ACLY: variants seen among roughly 807,000 people sequenced by gnomAD.
ACLY encodes the protein ATP citrate lyase, also known as ATP-citrate synthase.
Under a neutral mutation model 133.0 loss-of-function variants are expected in ACLY, and 41 were observed. The ratio of observed to expected loss-of-function variants is 0.31; its 90% CI spans 0.24 to 0.40. The LOEUF (loss-of-function observed/expected upper bound fraction) is 0.40, where lower values mean the gene tolerates loss of function less well. ACLY is among the 10% of genes least tolerant of loss of function. ACLY has a pLI of 1.00. For synonymous variants in ACLY, 495 were observed against 549.3 expected (o/e 0.90, Z 1.38); for missense variants, 1,046 against 1,453.8 (o/e 0.72, Z 4.56).
rs868988705 is a variant in ACLY at position 41,878,141 on chromosome 17, G to A, written c.2449C>T (p.Pro817Ser). 1 of 1,591,672 alleles carries A rather than the reference G, an allele frequency of 6.3e-7. No homozygotes were observed. The highest frequency in any genetic ancestry group is 8.6e-7 in the Non-Finnish European group (1 of 1,169,164). The change falls in exon 22 of 29, where the codon CCG becomes TCG. Residue 817 changes from proline (P) to serine (S), a missense_variant. By Grantham distance (74) the Pro-to-Ser change is moderately conservative (BLOSUM62 -1). Around this residue, in one of 4 missense-constraint regions of ACLY, gnomAD observed 39 missense variants for 30.8 expected, o/e 1.27. Transcript: ENST00000352035. ...TAGTCCATGGGCACGGTTGGGGGCG[G>A]CACCTCCTGGGCAGGTACAATGACT... ...NGVIVPAQEV[P>S]PPTVPMDYSW...
intron 16 of ACLY, among the ~76,000 whole-genome samples, chr17:41,891,174 A>G (rs1229588899): frequency 6.6e-6 from 1 of 152,066 alleles, no homozygotes; most frequent in Non-Finnish European, 1.5e-5. Context: ...AGCTGGGACT[A>G]GTGAGTGCCA....
At chr17:41,916,862 C>T (rs74252725) in intron 1 of ACLY, among the ~76,000 whole-genome samples, 7,256 of 152,052 alleles carry the variant, frequency 0.048, 207 homozygotes, top group East Asian at 0.12. Flanking sequence ...AGAACATTTG[C>T]GGCCAGGCAC....
chr17:41,876,304 C>G (rs1555626151), intron 22 of ACLY, among the ~76,000 whole-genome samples: 1 of 150,552 alleles, frequency 6.6e-6, no homozygotes, highest in East Asian at 2.0e-4. Context: ...GGGTCAGCCC[C>G]CCGCCCGGCC....
At chr17:41,907,854 G>A (rs1047417122) in intron 6 of ACLY, among the ~76,000 whole-genome samples, 1 of 152,114 alleles carries the variant, frequency 6.6e-6, no homozygotes, top group Non-Finnish European at 1.5e-5. Context: ...TTTACAAAAC[G>A]CTACACTCCC....
chr17:41,926,046 T>C (rs2050239958), intron 1 of ACLY, among the ~76,000 whole-genome samples: 1 of 152,010 alleles, frequency 6.6e-6, no homozygotes, highest in Non-Finnish European at 1.5e-5. Flanking sequence ...GGCTTCACCA[T>C]GTTGGCCAGC....
chr17:41,867,471 G>T lies in ACLY; in HGVS notation c.*339C>A. The T allele has an allele frequency of 6.0e-6, 1 of 167,512 alleles. No individual in the cohort carries two copies. Among genetic ancestry groups the T allele is most frequent in the Non-Finnish European group, 1.3e-5 (1 of 78,298 alleles). The allele number at this position is 167,512 out of a possible 1,614,324, so 10.4% of individuals were successfully genotyped here. A position where few individuals can be genotyped will look rare whatever the true frequency, so the allele number is the denominator to read the frequency against. ...AGGAGAAAAAAATGTTTAACTAATG[G>T]AAAAAGAAAGCAACATCCTAACGCC... On this transcript the variant is annotated 3_prime_UTR_variant, in exon 29 of 29. Transcript: ENST00000352035.
chr17:41,877,269 T>G (rs1010428884), intron 22 of ACLY, among the ~76,000 whole-genome samples: 17 of 151,328 alleles, frequency 1.1e-4, no homozygotes, highest in African/African-American at 3.7e-4. Flanking sequence ...GCTTCCCGAG[T>G]AGCTGGGATT....
intron 23 of ACLY, among the ~76,000 whole-genome samples, chr17:41,872,430 A>G (rs2048621210): frequency 6.6e-6 from 1 of 152,096 alleles, no homozygotes; most frequent in Non-Finnish European, 1.5e-5. Context: ...GGTTCAAGCA[A>G]TTTGCCTGCC....
At chr17:41,920,262 T>A (rs1351791616), upstream of ACLY, among the ~76,000 whole-genome samples, 1 of 152,162 alleles carries the variant, frequency 6.6e-6, no homozygotes, top group Admixed American at 6.5e-5. Context: ...CTCCCATTCA[T>A]CTTTTTGAAA....
chr17:41,921,161 T>G (rs1287004944), upstream of ACLY, among the ~76,000 whole-genome samples: 1 of 139,660 alleles, frequency 7.2e-6, no homozygotes, highest in Admixed American at 7.3e-5. Context: ...AGCTGGGCAC[T>G]GTATCGGGTG....
In ACLY at chr17:41,899,169, G is replaced by A. The variant is rs560980179; in HGVS notation, c.1184-384C>T. Among the ~76,000 whole-genome samples, 24 of 152,132 alleles carry A rather than the reference G, an allele frequency of 1.6e-4. No homozygotes were observed. In the South Asian group the frequency reaches 4.1e-3, roughly 26 times the overall value. ...CGTGTGCCTGTAATCCCAGCTACTCGGAGGCTCAGGCAGGAGGATCCCTTG... is the reference window on the plus strand; with the variant it reads ...CGTGTGCCTGTAATCCCAGCTACTCAGAGGCTCAGGCAGGAGGATCCCTTG... On this transcript the variant is annotated intron_variant, in intron 11 of 28. Coordinates refer to ENST00000352035, the MANE Select transcript of ACLY (RefSeq NM_001096.3).
chr17:41,886,292 G>A lies in ACLY; in HGVS notation c.1892C>T (p.Pro631Leu). ...TGTGTTGCCAATCTTAAAGCACCCAGGCTTGATGCCTCCAACCTGTGGGGG... is the reference window on the plus strand; with the variant it reads ...TGTGTTGCCAATCTTAAAGCACCCAAGCTTGATGCCTCCAACCTGTGGGGG... Reference protein sequence around the residue: ...IGPATVGGIKPGCFKIGNTGG... With the variant: ...IGPATVGGIKLGCFKIGNTGG... The change falls in exon 18 of 29, where the codon CCT (proline) becomes CTT (leucine). Residue 631 changes from proline to leucine, a missense_variant. Pro to Leu is a moderately conservative substitution (Grantham distance 98). This residue lies in a region of ACLY where 575 missense variants were observed against 804.2 expected (regional missense o/e 0.71). Coordinates refer to ENST00000352035, the MANE Select transcript of ACLY (RefSeq NM_001096.3). The A allele has an allele frequency of 6.2e-7, 1 of 1,610,572 alleles. No individual in the cohort carries two copies. Among genetic ancestry groups the A allele is most frequent in the Non-Finnish European group, 8.5e-7 (1 of 1,177,084 alleles).
At position 41,897,842 on chromosome 17, in the gene ACLY, G is replaced by A. The variant is rs781903978; in HGVS notation, c.1339-3C>T. On this transcript the variant is annotated splice_polypyrimidine_tract_variant and splice_region_variant and intron_variant, in intron 12 of 28. Coordinates refer to ENST00000352035, the MANE Select transcript of ACLY (RefSeq NM_001096.3). ...GCTGTCCTGCTGGGGGCTGGCGTCT[G>A]GGGTGAGATAAGGAGAGAGTGTAAG... The A allele has an allele frequency of 1.2e-6, 2 of 1,612,774 alleles. No individual in the cohort carries two copies. The highest frequency in any genetic ancestry group is 1.7e-6 in the Non-Finnish European group (2 of 1,179,426).
intron 1 of ACLY, among the ~76,000 whole-genome samples, chr17:41,925,028 T>TTTATTATTA (rs149814936): frequency 1.1e-4 from 17 of 149,516 alleles, no homozygotes; most frequent in Admixed American, 7.4e-4. Flanking sequence ...TCTGAATGAG[T>TTTATTATTA]TTATTATTAT....
intron 18 of ACLY, 107 bp downstream of exon 18, chr17:41,886,005 G>T: frequency 9.3e-7 from 1 of 1,069,526 alleles, no homozygotes; most frequent in Non-Finnish European, 1.4e-6. Flanking sequence ...CAGCATTCCT[G>T]CGGGCCTGGA....
At chr17:41,916,142 G>C (rs2050045871) in intron 1 of ACLY, among the ~76,000 whole-genome samples, 1 of 152,166 alleles carries the variant, frequency 6.6e-6, no homozygotes, top group South Asian at 2.1e-4. Flanking sequence ...GGGGATAGGA[G>C]AGAAGACACA....
In ACLY at chr17:41,867,753, T is replaced by G; in HGVS notation, c.*57A>C. ...CTCCACTGCCAGCTGTCTGTACACT[T>G]TTTCTTGGGGGAAGAGATCTTGTCT... On this transcript the variant is annotated 3_prime_UTR_variant, in exon 29 of 29. Transcript: ENST00000352035. 1 of 1,445,466 alleles carries G rather than the reference T, an allele frequency of 6.9e-7. No individual in the cohort carries two copies. The highest frequency in any genetic ancestry group is 1.9e-4 in the Middle Eastern group (1 of 5,390). 89.5% of individuals were successfully genotyped at this position (1,445,466 alleles called of 1,614,324 possible). A position where few individuals can be genotyped will look rare whatever the true frequency, so the allele number is the denominator to read the frequency against.
chr17:41,887,447 G>A (rs374939840), intron 17 of ACLY, 152 bp downstream of exon 17: 1 of 629,658 alleles, frequency 1.6e-6, no homozygotes, highest in Admixed American at 2.6e-5. Flanking sequence ...CAAAAAAAAA[G>A]CTAAAAATGG....
chr17:41,883,714 G>C (rs1373036537), intron 19 of ACLY, among the ~76,000 whole-genome samples: 2 of 150,578 alleles, frequency 1.3e-5, no homozygotes, highest in Admixed American at 6.7e-5. Context: ...CCTCCCGAGT[G>C]GTTGGGATTA....
Sources: allele counts gnomAD v4.1 joint callset (sites outside exome capture counted in the v4.1 genomes callset), GRCh38; gene constraint gnomAD v4.1.1; regional missense constraint gnomAD v4.1.1; transcripts MANE v1.5; gene names NCBI Gene and HGNC (gene_info 2026-07-23, HGNC 2026-07-21).